DOCK4: variants seen among roughly 807,000 people sequenced by gnomAD.
DOCK4 encodes dedicator of cytokinesis protein 4.
Under a neutral mutation model 268.1 loss-of-function variants are expected in DOCK4, and 97 were observed. That is an observed-to-expected ratio of 0.36 (90% CI 0.31 to 0.43). DOCK4 has a LOEUF of 0.43. Ranked by LOEUF, DOCK4 falls within the 20% of genes least tolerant of loss-of-function variation. DOCK4 has a pLI of 1.00. For missense variants in DOCK4, 2,145 were observed against 2,455.7 expected (o/e 0.87, Z 2.67); for synonymous variants, 954 against 887.2 (o/e 1.08, Z -1.34).
At chr7:111,729,511 G>A (rs1004293503) in intron 52 of DOCK4, among the ~76,000 whole-genome samples, 1 of 152,088 alleles carries the variant, frequency 6.6e-6, no homozygotes, top group Non-Finnish European at 1.5e-5. Flanking sequence ...AGCCACCAGT[G>A]CACTCCAGCC....
At chr7:111,867,564 A>C (rs1283878924) in intron 22 of DOCK4, among the ~76,000 whole-genome samples, 2 of 152,320 alleles carry the variant, frequency 1.3e-5, no homozygotes, top group East Asian at 3.9e-4. Flanking sequence ...CAATAAAACA[A>C]AACAACATGC....
At chr7:111,845,763 G>C (rs1804047440) in intron 24 of DOCK4, among the ~76,000 whole-genome samples, 1 of 152,206 alleles carries the variant, frequency 6.6e-6, no homozygotes, top group South Asian at 2.1e-4. Flanking sequence ...TTACAGAGCA[G>C]AAGTTGTGGA....
chr7:112,178,895 T>TA (rs1818753597), intron 1 of DOCK4, among the ~76,000 whole-genome samples: 2 of 152,290 alleles, frequency 1.3e-5, no homozygotes, highest in South Asian at 4.1e-4. Flanking sequence ...CGTATCCTCA[T>TA]AGGCTAACCA....
chr7:111,879,663 C>T (rs1470398408), intron 16 of DOCK4, among the ~76,000 whole-genome samples: 1 of 151,938 alleles, frequency 6.6e-6, no homozygotes, highest in Non-Finnish European at 1.5e-5. Flanking sequence ...TGAGGAAACT[C>T]CGAGAAATTC....
chr7:111,782,595 A>G (rs1268585286), intron 35 of DOCK4, among the ~76,000 whole-genome samples: 1 of 152,150 alleles, frequency 6.6e-6, no homozygotes, highest in Non-Finnish European at 1.5e-5. Flanking sequence ...GGGGAACCCA[A>G]TGGCATCACT....
chr7:111,773,764 C>T (rs1798271313), intron 36 of DOCK4, among the ~76,000 whole-genome samples: 1 of 152,044 alleles, frequency 6.6e-6, no homozygotes, highest in African/African-American at 2.4e-5. Context: ...CATCTGTAAT[C>T]CCAGCACTTT....
At chr7:112,129,698 A>G (rs1813617744) in intron 1 of DOCK4, among the ~76,000 whole-genome samples, 1 of 152,182 alleles carries the variant, frequency 6.6e-6, no homozygotes, top group African/African-American at 2.4e-5. Flanking sequence ...AATTATAATT[A>G]TTTCAAATGT....
chr7:112,034,948 G>A (rs1803619317), intron 1 of DOCK4, among the ~76,000 whole-genome samples: 1 of 152,016 alleles, frequency 6.6e-6, no homozygotes, highest in South Asian at 2.1e-4. Context: ...GGAGAAAGAT[G>A]GGGTAACCAG....
chr7:112,160,882 G>A (rs182164391), intron 1 of DOCK4, among the ~76,000 whole-genome samples: 4 of 152,138 alleles, frequency 2.6e-5, no homozygotes, highest in Admixed American at 6.5e-5. Context: ...ATATTTTCAC[G>A]GGCTAACATC....
intron 5 of DOCK4, among the ~76,000 whole-genome samples, chr7:111,993,471 A>G (rs1799692766): frequency 6.6e-6 from 1 of 152,134 alleles, no homozygotes; most frequent in South Asian, 2.1e-4. Context: ...CCATTACTTG[A>G]TGTGGGGTGA....
intron 1 of DOCK4, among the ~76,000 whole-genome samples, chr7:112,117,666 C>CA (rs1463389901): frequency 6.6e-6 from 1 of 152,224 alleles, no homozygotes; most frequent in African/African-American, 2.4e-5. Context: ...CCACTGTGCC[C>CA]AGCCACCTTT....
At chr7:112,011,796 C>T (rs1036288622) in intron 1 of DOCK4, among the ~76,000 whole-genome samples, 1 of 148,450 alleles carries the variant, frequency 6.7e-6, no homozygotes, top group Non-Finnish European at 1.5e-5. Flanking sequence ...TTATTGCATC[C>T]ACCTATCCAT....
At chr7:111,925,566 G>A (rs1327573751) in intron 12 of DOCK4, among the ~76,000 whole-genome samples, 2 of 152,178 alleles carry the variant, frequency 1.3e-5, no homozygotes, top group Non-Finnish European at 2.9e-5. Flanking sequence ...AATGGGAGCT[G>A]TGAACATTAC....
At chr7:112,111,662 C>T (rs961084086) in intron 1 of DOCK4, among the ~76,000 whole-genome samples, 7 of 152,152 alleles carry the variant, frequency 4.6e-5, no homozygotes. Context: ...CTTTTGCTCT[C>T]CAGAACTCAT....
In DOCK4 at chr7:112,155,478, A is replaced by G. The variant is rs1271528409; in HGVS notation, c.37+50624T>C. ...AAAAAAGTAACTTGCACCTGGAAATACATAGTTCATAGCATTCATCATGTA... is the reference window on the plus strand; with the variant it reads ...AAAAAAGTAACTTGCACCTGGAAATGCATAGTTCATAGCATTCATCATGTA... On this transcript the variant is annotated intron_variant, in intron 1 of 52. Transcript: ENST00000428084. 3.9e-5 allele frequency among the ~76,000 whole-genome samples: 6 copies of G among 152,248 alleles called. No homozygotes were observed. In the East Asian group the frequency reaches 1.2e-3, roughly 29 times the overall value.
rs1401116250 is a variant in DOCK4, at chr7:111,727,554, T to C, written c.*720A>G. 1 of 152,632 alleles carries C rather than the reference T, an allele frequency of 6.6e-6. No homozygotes were observed. Among genetic ancestry groups the C allele is most frequent in the African/African-American group, 2.4e-5 (1 of 41,450 alleles). 9.5% of individuals were successfully genotyped at this position (152,632 alleles called of 1,614,324 possible). A position where few individuals can be genotyped will look rare whatever the true frequency, so the allele number is the denominator to read the frequency against. ...AAACATTTCTTCTGGAGCCTCTTGC[T>C]TAATCTAGCTGATTGGAACTCTGAA... On this transcript the variant is annotated 3_prime_UTR_variant, in exon 53 of 53. Transcript: ENST00000428084.
intron 23 of DOCK4, among the ~76,000 whole-genome samples, chr7:111,858,685 G>A (rs1374052171): frequency 6.6e-6 from 1 of 152,048 alleles, no homozygotes; most frequent in Non-Finnish European, 1.5e-5. Context: ...AGTTCTTATG[G>A]GTCTCCAGCG....
At chr7:112,131,023 C>A (rs115395503) in intron 1 of DOCK4, among the ~76,000 whole-genome samples, 29 of 152,228 alleles carry the variant, frequency 1.9e-4, no homozygotes, top group African/African-American at 7.0e-4. Context: ...CATAGAAATA[C>A]GGAGGCTGAT....
intron 1 of DOCK4, among the ~76,000 whole-genome samples, chr7:112,194,140 G>A (rs1343772968): frequency 6.6e-6 from 1 of 152,082 alleles, no homozygotes; most frequent in Non-Finnish European, 1.5e-5. Flanking sequence ...CCATAAATAA[G>A]CAATTATTCC....
Sources: gnomAD v4.1 joint callset for allele counts (sites outside exome capture counted in the v4.1 genomes callset) on GRCh38, gnomAD v4.1.1 for gene constraint, MANE v1.5 for transcripts, NCBI Gene and HGNC (gene_info 2026-07-23, HGNC 2026-07-21) for gene names.